TENM1: variants seen among roughly 807,000 people sequenced by gnomAD.
TENM1 encodes teneurin-1.
In TENM1, 35 loss-of-function variants were observed where a neutral mutation model predicts 174.8. The ratio of observed to expected loss-of-function variants is 0.20; its 90% CI spans 0.15 to 0.27. TENM1 has a LOEUF of 0.27. Ranked by LOEUF, TENM1 falls within the 10% of genes least tolerant of loss-of-function variation. TENM1 has a pLI of 1.00. For missense variants in TENM1, 1,633 were observed against 2,130.1 expected (o/e 0.77, Z 4.59); for synonymous variants, 781 against 798.7 (o/e 0.98, Z 0.37).
the TENM1 span, among the ~76,000 whole-genome samples, chrX:125,101,076 G>T: frequency 3.6e-5 from 4 of 111,552 alleles, no homozygotes; most frequent in Non-Finnish European, 7.5e-5. Flanking sequence ...CTAATTTAGA[G>T]TCTTAGCATA....
At position 124,609,225 on chromosome X, in the gene TENM1, TA is replaced by T. The variant is rs1024287047; in HGVS notation, c.2077+32565del. On this transcript the variant is annotated intron_variant, in intron 11 of 31. Transcript: ENST00000422452. ...TACAAGTTGGCAGATCAAATAAGGA[TA>T]TTGTGGGAAATCGTTTACTATAAAT... Among the ~76,000 whole-genome samples the T allele has an allele frequency of 1.4e-3, 160 of 111,716 alleles. 1 individual carries two copies. Among genetic ancestry groups the T allele is most frequent in the African/African-American group, 5.1e-3 (156 of 30,815 alleles).
upstream of TENM1, among the ~76,000 whole-genome samples, chrX:124,965,993 T>C (rs1318985783): frequency 8.9e-6 from 1 of 111,955 alleles, no homozygotes; most frequent in Non-Finnish European, 1.9e-5. Flanking sequence ...CACAAGGCTC[T>C]TCTGTTTGCT....
chrX:124,733,111 T>C (rs112975445), intron 4 of TENM1, among the ~76,000 whole-genome samples: 7,224 of 111,109 alleles, frequency 0.065, 226 homozygotes, highest in Middle Eastern at 0.11. Context: ...GGAAGGGAGA[T>C]TTGAAACCCA....
chrX:124,948,871 C>A (rs2147775661), intron 1 of TENM1, among the ~76,000 whole-genome samples: 1 of 112,236 alleles, frequency 8.9e-6, no homozygotes, highest in East Asian at 2.8e-4. Context: ...AAGATTTGAA[C>A]TGAAAACAAT....
chrX:124,420,897 G>T, intron 24 of TENM1, 76 bp from the exon 28 acceptor site: 1 of 959,460 alleles, frequency 1.0e-6, no homozygotes, highest in Non-Finnish European at 1.4e-6. Context: ...ATAAAGCTCT[G>T]TGCATCAAGA....
the TENM1 span, among the ~76,000 whole-genome samples, chrX:124,994,230 TTTTTTTTTG>T: frequency 1.8e-4 from 16 of 90,329 alleles, no homozygotes; most frequent in East Asian, 1.3e-3. Flanking sequence ...TTTTTTTTTT[TTTTTTTTTG>T]GCAATTGACC....
chrX:125,067,232 G>C, the TENM1 span, among the ~76,000 whole-genome samples: 1 of 110,986 alleles, frequency 9.0e-6, no homozygotes, highest in African/African-American at 3.3e-5. Context: ...CCAAAGAAAG[G>C]GTTATTTTTT....
At chrX:124,409,751 A>G (rs867878279) in intron 25 of TENM1, among the ~76,000 whole-genome samples, 1 of 106,770 alleles carries the variant, frequency 9.4e-6, no homozygotes, top group African/African-American at 3.4e-5. Context: ...CCAAATCATG[A>G]GTGAACTCCC....
chrX:124,742,478 A>C (rs1160203810), intron 3 of TENM1, among the ~76,000 whole-genome samples: 1 of 111,252 alleles, frequency 9.0e-6, no homozygotes, highest in Admixed American at 9.6e-5. Context: ...TAATTTCATA[A>C]ATTTTGGTGG....
rs1245304333 is a variant in TENM1, at chrX:124,767,373, T to C, written c.536-30176A>G. Among the ~76,000 whole-genome samples the C allele has an allele frequency of 1.8e-4, 20 of 111,654 alleles. No individual in the cohort carries two copies. In the Admixed American group the frequency reaches 1.8e-3, roughly 10 times the overall value. ...GGCAGTGAGTTGCTTGAAGGTGAGG[T>C]CTATTTATTATTCATTTTTGAATCT... On this transcript the variant is annotated intron_variant, in intron 3 of 31. Transcript: ENST00000422452.
chrX:124,986,903 A>G, the TENM1 span, among the ~76,000 whole-genome samples: 1 of 111,298 alleles, frequency 9.0e-6, no homozygotes, highest in African/African-American at 3.3e-5. Flanking sequence ...CGGCCTCCCA[A>G]AGTGCTGGGA....
chrX:125,032,495 A>T, the TENM1 span, among the ~76,000 whole-genome samples: 2 of 110,752 alleles, frequency 1.8e-5, no homozygotes, highest in Non-Finnish European at 3.8e-5. Flanking sequence ...TCAATAGCCA[A>T]ATTCGTCTTA....
intron 3 of TENM1, among the ~76,000 whole-genome samples, chrX:124,851,748 T>C (rs2056723173): frequency 1.8e-5 from 2 of 111,344 alleles, no homozygotes; most frequent in Non-Finnish European, 3.8e-5. Context: ...ATTTCTATCA[T>C]ATGATCATCA....
intron 4 of TENM1, among the ~76,000 whole-genome samples, chrX:124,706,870 GC>G: frequency 9.1e-6 from 1 of 110,413 alleles, no homozygotes; most frequent in East Asian, 2.8e-4. Flanking sequence ...TAAACAACTT[GC>G]CCAAACTCAC....
At chrX:125,004,417 G>A in the TENM1 span, among the ~76,000 whole-genome samples, 1,455 of 111,779 alleles carry the variant, frequency 0.013, 35 homozygotes, top group African/African-American at 0.043. Context: ...AAATTCTGAG[G>A]TAACCACCCT....
chrX:124,434,154 A>G (rs2060809258), intron 23 of TENM1, among the ~76,000 whole-genome samples: 1 of 111,660 alleles, frequency 9.0e-6, no homozygotes, highest in African/African-American at 3.3e-5. Context: ...TCACACTTTT[A>G]TTTTCTAATA....
chrX:124,383,947 A>T, exon 30 of TENM1: 4 of 1,210,695 alleles, frequency 3.3e-6, no homozygotes, highest in Non-Finnish European at 4.5e-6. Flanking sequence ...CTAGTGGGGT[A>T]CCTGTATTAT....
chrX:124,791,850 G>A (rs185295317), intron 3 of TENM1, among the ~76,000 whole-genome samples: 2 of 111,553 alleles, frequency 1.8e-5, no homozygotes, highest in African/African-American at 3.3e-5. Context: ...TGGCTTGTGT[G>A]TGCATAATTG....
intron 15 of TENM1, among the ~76,000 whole-genome samples, chrX:124,537,622 G>A (rs911845099): frequency 8.9e-6 from 1 of 112,027 alleles, no homozygotes; most frequent in African/African-American, 3.2e-5. Context: ...GCTACCTGGA[G>A]AAATTTACCA....
Sources: gnomAD v4.1 joint callset for allele counts (sites outside exome capture counted in the v4.1 genomes callset) on GRCh38, gnomAD v4.1.1 for gene constraint, MANE v1.5 for transcripts, NCBI Gene and HGNC (gene_info 2026-07-23, HGNC 2026-07-21) for gene names.